CAST: variants seen among roughly 807,000 people sequenced by gnomAD.
CAST encodes MIR583 host.
A neutral mutation model predicts 119.6 loss-of-function variants in CAST; 76 were observed. That is an observed-to-expected ratio of 0.64 (90% CI 0.53 to 0.77). The LOEUF (loss-of-function observed/expected upper bound fraction) is 0.77. Among genes scored for constraint, CAST ranks in the 30% least tolerant of loss-of-function variants. The pLI, the probability that CAST is intolerant of heterozygous loss-of-function variation, is 0.00. For missense variants in CAST, 953 were observed against 946.5 expected (o/e 1.01, Z -0.09); for synonymous variants, 319 against 331.6 (o/e 0.96, Z 0.41).
chr5:96,582,611 A>G (rs950340066), intron 1 of CAST, among the ~76,000 whole-genome samples: 2 of 152,228 alleles, frequency 1.3e-5, no homozygotes, highest in African/African-American at 4.8e-5. Context: ...CTCATTATGT[A>G]CTGGGACGGA....
At chr5:96,018,300 A>C in the CAST span, among the ~76,000 whole-genome samples, 1 of 152,228 alleles carries the variant, frequency 6.6e-6, no homozygotes, top group Non-Finnish European at 1.5e-5. Flanking sequence ...TCAGAAGAAC[A>C]AACCTCATTT....
the CAST span, among the ~76,000 whole-genome samples, chr5:96,470,050 T>C: frequency 0.013 from 1,912 of 151,706 alleles, 29 homozygotes; most frequent in East Asian, 0.038. Context: ...TATTTCATTA[T>C]ATTTCAGACT....
chr5:96,713,515 A>G lies in CAST; in HGVS notation c.211-9124A>G, dbSNP rs114522212. 4.4e-3 allele frequency among the ~76,000 whole-genome samples: 674 copies of G among 152,298 alleles called. 9 individuals are homozygous for G. Among genetic ancestry groups the G allele is most frequent in the African/African-American group, 0.016 (652 of 41,560 alleles). On this transcript the variant is annotated intron_variant, in intron 3 of 31. Transcript: ENST00000675179. Reference sequence around the variant, plus strand: ...GCTCATAATCTGTCAGGGTTGTTACAGGTATATGCTCTTGCTACCAAGATT... The same window carrying G: ...GCTCATAATCTGTCAGGGTTGTTACGGGTATATGCTCTTGCTACCAAGATT...
chr5:96,282,035 C>T, the CAST span, among the ~76,000 whole-genome samples: 4 of 152,266 alleles, frequency 2.6e-5, no homozygotes, highest in African/African-American at 7.2e-5. Flanking sequence ...CATTGTTGAA[C>T]GATCACTTTC....
At chr5:96,291,417 C>G in the CAST span, among the ~76,000 whole-genome samples, 2 of 152,186 alleles carry the variant, frequency 1.3e-5, no homozygotes, top group Admixed American at 6.5e-5. Flanking sequence ...AATAGAATGG[C>G]TCAAGTTTCA....
the CAST span, among the ~76,000 whole-genome samples, chr5:96,367,795 G>A: frequency 1.3e-5 from 2 of 152,050 alleles, no homozygotes; most frequent in South Asian, 4.2e-4. Flanking sequence ...GCCTCGCCCT[G>A]CTTTGGCTCA....
chr5:95,995,249 C>A, the CAST span, among the ~76,000 whole-genome samples: 1 of 152,106 alleles, frequency 6.6e-6, no homozygotes, highest in Admixed American at 6.6e-5. Flanking sequence ...GCTCATCCCA[C>A]ACTGCATGGG....
At chr5:96,122,223 C>G in the CAST span, among the ~76,000 whole-genome samples, 1 of 152,032 alleles carries the variant, frequency 6.6e-6, no homozygotes, top group African/African-American at 2.4e-5. Context: ...GAGAAACTAC[C>G]CTTTTTAGCT....
the CAST span, among the ~76,000 whole-genome samples, chr5:95,994,735 A>G: frequency 6.6e-6 from 1 of 152,316 alleles, no homozygotes; most frequent in African/African-American, 2.4e-5. Context: ...CTAAAAGTTC[A>G]AGATAATTAT....
chr5:96,499,496 T>G, the CAST span, among the ~76,000 whole-genome samples: 1 of 152,258 alleles, frequency 6.6e-6, no homozygotes, highest in Non-Finnish European at 1.5e-5. Flanking sequence ...AGTTGTAATC[T>G]TTTTGCTGAT....
chr5:96,142,823 A>G, the CAST span, among the ~76,000 whole-genome samples: 1 of 152,234 alleles, frequency 6.6e-6, no homozygotes, highest in Non-Finnish European at 1.5e-5. Context: ...CTTTCAAAAT[A>G]AAGCACATCT....
chr5:96,252,917 G>C, the CAST span, among the ~76,000 whole-genome samples: 1 of 152,064 alleles, frequency 6.6e-6, no homozygotes, highest in East Asian at 1.9e-4. Flanking sequence ...TGACAGTTAA[G>C]GTTTAATTCC....
chr5:96,353,596 A>C, the CAST span, among the ~76,000 whole-genome samples: 1 of 151,518 alleles, frequency 6.6e-6, no homozygotes, highest in Non-Finnish European at 1.5e-5. Flanking sequence ...TGAGGGCCTG[A>C]ATAGAACAAA....
the CAST span, among the ~76,000 whole-genome samples, chr5:96,445,238 G>C: frequency 6.5e-4 from 99 of 152,244 alleles, no homozygotes; most frequent in Admixed American, 1.2e-3. Context: ...TGGTTTTCTG[G>C]CAATAAAAAG....
At chr5:96,280,795 A>G in the CAST span, among the ~76,000 whole-genome samples, 1 of 151,302 alleles carries the variant, frequency 6.6e-6, no homozygotes, top group Non-Finnish European at 1.5e-5. Context: ...GTCCTTTTGT[A>G]TGTATTCACA....
chr5:96,516,565 GATGATGTGCCCTAA>G, the CAST span, among the ~76,000 whole-genome samples: 126 of 152,272 alleles, frequency 8.3e-4, no homozygotes, highest in African/African-American at 2.9e-3. Context: ...GCAATGGCAG[GATGATGTGCCCTAA>G]ATGACACAAT....
chr5:96,763,532 T>G (rs887126635), intron 25 of CAST, among the ~76,000 whole-genome samples: 5 of 152,188 alleles, frequency 3.3e-5, no homozygotes, highest in Non-Finnish European at 7.3e-5. Context: ...AATCAAAAAC[T>G]TTTTTGCCTT....
chr5:96,477,097 CACACACACACACACAA>C, the CAST span, among the ~76,000 whole-genome samples: 1 of 123,230 alleles, frequency 8.1e-6, no homozygotes, highest in Non-Finnish European at 1.9e-5. Context: ...CACACACACA[CACACACACACACACAA>C]ATTATCACAG....
At chr5:95,965,941 A>C in the CAST span, among the ~76,000 whole-genome samples, 2 of 152,178 alleles carry the variant, frequency 1.3e-5, no homozygotes, top group Admixed American at 6.5e-5. Flanking sequence ...TATTATTATC[A>C]TCATCATCAT....
Sources: allele counts gnomAD v4.1 joint callset (sites outside exome capture counted in the v4.1 genomes callset), GRCh38; gene constraint gnomAD v4.1.1; transcripts MANE v1.5; gene names NCBI Gene and HGNC (gene_info 2026-07-23, HGNC 2026-07-21).